The following ERAP2 variants were observed in gnomAD, a reference collection of about 807,000 sequenced individuals.
ERAP2 encodes the protein leukocyte-derived arginine aminopeptidase.
Under a neutral mutation model 111.1 loss-of-function variants are expected in ERAP2, and 118 were observed. The observed-to-expected ratio is 1.06, with a 90% confidence interval of 0.92 to 1.24. ERAP2 has a LOEUF of 1.24. Ranked by LOEUF, ERAP2 falls within the 50% of genes most tolerant of loss-of-function variation. The pLI is 0.00. For missense variants in ERAP2, 1,131 were observed against 1,125.8 expected (o/e 1.00, Z -0.07); for synonymous variants, 410 against 401.2 (o/e 1.02, Z -0.26).
chr5:96,878,109 A>G (rs1468637581), intron 1 of ERAP2, among the ~76,000 whole-genome samples: 1 of 152,166 alleles, frequency 6.6e-6, no homozygotes, highest in East Asian at 1.9e-4. Flanking sequence ...CTAATTTTAT[A>G]TGTGTTGTAG....
At chr5:96,888,989 G>T (rs565817328) in intron 4 of ERAP2, among the ~76,000 whole-genome samples, 196 bp from the exon 5 acceptor site, 1 of 152,118 alleles carries the variant, frequency 6.6e-6, no homozygotes, top group East Asian at 1.9e-4. Context: ...AAGATTCAGG[G>T]TGTTTGTAAT....
At chr5:96,883,182 T>C (rs1783340851) in intron 2 of ERAP2, among the ~76,000 whole-genome samples, 1 of 152,164 alleles carries the variant, frequency 6.6e-6, no homozygotes, top group African/African-American at 2.4e-5. Flanking sequence ...CGTGAAGGCG[T>C]AGTTTGCATC....
rs750912735 is a variant in ERAP2 at position 96,892,285 on chromosome 5, T to C, written c.971-14T>C. On this transcript the variant is annotated splice_polypyrimidine_tract_variant and intron_variant, in intron 5 of 18. Coordinates refer to ENST00000437043, the MANE Select transcript of ERAP2 (RefSeq NM_022350.5). ...GAGCCATAAAACTCAAGTATGGTTG[T>C]TCTTATTTCTTAGATTTAATTGCTA... is the stretch of plus-strand genomic sequence containing the variant. 2 of 1,613,376 alleles carry C rather than the reference T, an allele frequency of 1.2e-6. No individual in the cohort carries two copies. The highest frequency in any genetic ancestry group is 1.1e-5 in the South Asian group (1 of 91,066).
intron 2 of ERAP2, among the ~76,000 whole-genome samples, chr5:96,882,753 C>T (rs1783285559): frequency 2.6e-5 from 4 of 152,074 alleles, no homozygotes; most frequent in African/African-American, 9.7e-5. Flanking sequence ...ACCTTGAGGC[C>T]ACAAGTGAAT....
chr5:96,908,944 T>A lies in ERAP2; in HGVS notation c.2013-17T>A, dbSNP rs1169444636. 2 of 1,606,810 alleles carry A rather than the reference T, an allele frequency of 1.2e-6. No individual in the cohort carries two copies. Among genetic ancestry groups the A allele is most frequent in the African/African-American group, 1.3e-5 (1 of 74,646 alleles). ...ATAAGATATGCACAAACCACTGACA[T>A]TTGTTTTATACTTCAGTGCAGGGAG... On this transcript the variant is annotated splice_polypyrimidine_tract_variant and intron_variant, in intron 13 of 18. Coordinates refer to ENST00000437043, the MANE Select transcript of ERAP2 (RefSeq NM_022350.5).
intron 5 of ERAP2, among the ~76,000 whole-genome samples, chr5:96,891,462 CATATACAGGTATATAT>C (rs2151146674): frequency 1.4e-5 from 2 of 145,018 alleles, no homozygotes; most frequent in African/African-American, 5.2e-5. Flanking sequence ...CACACACACA[CATATACAGGTATATAT>C]ATATATGTGT....
chr5:96,902,232 A>C, intron 11 of ERAP2, 42 bp from the exon 12 acceptor site: 1 of 1,334,556 alleles, frequency 7.5e-7, no homozygotes, highest in Non-Finnish European at 1.1e-6. Context: ...AAATCACAGC[A>C]GCATTCTTTT....
At chr5:96,892,661 A>G (rs544771662) in intron 6 of ERAP2, among the ~76,000 whole-genome samples, 2 of 152,336 alleles carry the variant, frequency 1.3e-5, no homozygotes, top group South Asian at 4.1e-4. Flanking sequence ...AGAAGTAGCC[A>G]TTAAATTTAT....
rs893698238 is a variant in ERAP2, at chr5:96,915,748, T to C, written c.2718T>C (p.Ser906=). The C allele has an allele frequency of 1.2e-6, 2 of 1,601,570 alleles. No individual in the cohort carries two copies. The highest frequency in any genetic ancestry group is 2.7e-5 in the African/African-American group (2 of 74,268). Residue 906 remains serine, a synonymous_variant, in exon 18 of 19, where the codon TCT becomes TCC. Coordinates refer to ENST00000437043, the MANE Select transcript of ERAP2 (RefSeq NM_022350.5). ...MIISGTTAHF[S]SKDKLQEVKL... ...TCTCTGGCACAACAGCTCACTTTTC[T>C]TCCAAGGATAAGTTGCAAGAGGTTT...
Position 96,880,025 on chromosome 5 carries a change from G to T in ERAP2, c.340G>T (p.Asp114Tyr), listed in dbSNP as rs149963216. 434 of 1,614,154 alleles carry T rather than the reference G, an allele frequency of 2.7e-4. 1 individual carries two copies. The African/African-American group carries it at 5.0e-3, about 18-fold the overall frequency. ...CCAGTTTATCATCTTGCACAGCAAA[G>T]ATCTTGAAATCACGAATGCCACCCT... Reference protein sequence around the residue: ...ATQFIILHSKDLEITNATLQS... With the variant: ...ATQFIILHSKYLEITNATLQS... The change falls in exon 2 of 19, where the codon GAT becomes TAT. Residue 114 changes from aspartate (D) to tyrosine (Y), a missense_variant. Physicochemically the swap from Asp to Tyr is radical, Grantham distance 160. Around this residue, in one of 3 missense-constraint regions of ERAP2, gnomAD observed 847 missense variants for 856.5 expected, o/e 0.99. Coordinates refer to ENST00000437043, the MANE Select transcript of ERAP2 (RefSeq NM_022350.5).
In ERAP2 at chr5:96,917,551, A is replaced by G. The variant is rs1394792640; in HGVS notation, c.2829A>G (p.Lys943=). The part of the protein sequence containing the change: ...TVLETITKNI[K]WLEKNLPTLR... The stretch of plus-strand genomic sequence containing the variant: ...TGGAAACGATAACCAAAAATATAAA[A>G]TGGCTGGAGAAGAATCTTCCGACTC... Residue 943 remains lysine (K), a synonymous_variant, in exon 19 of 19, where the codon AAA becomes AAG. Transcript: ENST00000437043. The G allele has an allele frequency of 6.2e-7, 1 of 1,613,096 alleles. No homozygotes were observed. The highest frequency in any genetic ancestry group is 1.3e-5 in the African/African-American group (1 of 74,886).
intron 13 of ERAP2, among the ~76,000 whole-genome samples, chr5:96,906,530 A>T (rs188036504): frequency 6.6e-6 from 1 of 152,312 alleles, no homozygotes; most frequent in East Asian, 1.9e-4. Context: ...GGCTTCCCCA[A>T]TTGCTGGGAT....
At chr5:96,913,173 G>T in intron 16 of ERAP2, 144 bp from the exon 17 acceptor site, 1 of 640,190 alleles carries the variant, frequency 1.6e-6, no homozygotes. Flanking sequence ...AAAAGTAAAA[G>T]TTTAATTGAA....
At chr5:96,889,539 A>G (rs946056725) in intron 5 of ERAP2, 25 of 691,060 alleles carry the variant, frequency 3.6e-5, no homozygotes, top group Non-Finnish European at 6.2e-5. Flanking sequence ...ACGTTAACAT[A>G]TCTGCATCGA....
At chr5:96,905,551 T>A (rs1316172336) in intron 13 of ERAP2, among the ~76,000 whole-genome samples, 1 of 152,204 alleles carries the variant, frequency 6.6e-6, no homozygotes, top group Non-Finnish European at 1.5e-5. Context: ...CTCAATACTA[T>A]AAACCACTTT....
rs146612868 is a variant in ERAP2 at position 96,893,031 on chromosome 5, G to A, written c.1125+578G>A. Among the ~76,000 whole-genome samples the A allele has an allele frequency of 1.1e-4, 16 of 152,104 alleles. No homozygotes were observed. The East Asian group carries it at 3.1e-3, about 29-fold the overall frequency. On this transcript the variant is annotated intron_variant, in intron 6 of 18. Coordinates refer to ENST00000437043, the MANE Select transcript of ERAP2 (RefSeq NM_022350.5). ...AGGATTATGGATAGGGAAAGTGTGCGGATCACATAGTAAGCACTCAATAAG... is the reference window on the plus strand; with the variant it reads ...AGGATTATGGATAGGGAAAGTGTGCAGATCACATAGTAAGCACTCAATAAG...
At position 96,909,773 on chromosome 5, in the gene ERAP2, A is replaced by G. The variant is rs1786501520; in HGVS notation, c.2354+9A>G. ...TCCAGTGGAAAATTAAAGTAGATGT[A>G]GACTTCTGTCCTACCCTTTGTTCTT... On this transcript the variant is annotated intron_variant, in intron 15 of 18. Coordinates refer to ENST00000437043, the MANE Select transcript of ERAP2 (RefSeq NM_022350.5). 1 of 1,613,378 alleles carries G rather than the reference A, an allele frequency of 6.2e-7. No individual in the cohort carries two copies. Among genetic ancestry groups the G allele is most frequent in the African/African-American group, 1.3e-5 (1 of 75,036 alleles).
intron 15 of ERAP2, among the ~76,000 whole-genome samples, chr5:96,911,816 A>G (rs970494981): frequency 2.8e-5 from 4 of 144,716 alleles, no homozygotes; most frequent in Non-Finnish European, 6.0e-5. Flanking sequence ...ACAGTGAGCC[A>G]TGATCACGCC....
chr5:96,904,280 C>G (rs185044696), intron 13 of ERAP2, among the ~76,000 whole-genome samples: 1 of 152,272 alleles, frequency 6.6e-6, no homozygotes, highest in African/African-American at 2.4e-5. Flanking sequence ...ACAAGATCAC[C>G]AATGGCTGGA....
Sources: allele counts gnomAD v4.1 joint callset (sites outside exome capture counted in the v4.1 genomes callset), GRCh38; gene constraint gnomAD v4.1.1; regional missense constraint gnomAD v4.1.1; transcripts MANE v1.5; gene names NCBI Gene and HGNC (gene_info 2026-07-23, HGNC 2026-07-21).